GFRA1: variants seen among roughly 807,000 people sequenced by gnomAD.
GFRA1 encodes the protein GDNF family receptor alpha-1.
Under a neutral mutation model 51.6 loss-of-function variants are expected in GFRA1, and 16 were observed. That is an observed-to-expected ratio of 0.31 (90% CI 0.21 to 0.47). GFRA1 has a LOEUF of 0.47. GFRA1 is among the 20% of genes least tolerant of loss of function. The pLI, the probability that GFRA1 is intolerant of heterozygous loss-of-function variation, is 1.00. For synonymous variants in GFRA1, 270 were observed against 241.3 expected (o/e 1.12, Z -1.10); for missense variants, 530 against 594.3 (o/e 0.89, Z 1.13).
chr10:116,246,002 T>C (rs1314584832), intron 4 of GFRA1, among the ~76,000 whole-genome samples: 1 of 152,206 alleles, frequency 6.6e-6, no homozygotes, highest in East Asian at 1.9e-4. Flanking sequence ...TAATGGTGGA[T>C]ACATGGCACT....
chr10:116,263,248 A>G (rs186967671), intron 4 of GFRA1, among the ~76,000 whole-genome samples: 84 of 152,320 alleles, frequency 5.5e-4, no homozygotes, highest in African/African-American at 1.9e-3. Flanking sequence ...TGGTCTGCTG[A>G]AAAGAGTCCC....
At chr10:116,174,925 C>T (rs75430711) in intron 5 of GFRA1, among the ~76,000 whole-genome samples, 168 of 152,246 alleles carry the variant, frequency 1.1e-3, no homozygotes, top group Non-Finnish European at 2.2e-3. Flanking sequence ...TTTGCACCAC[C>T]GTTCCTTATA....
At chr10:116,266,469 G>A (rs560496767) in intron 4 of GFRA1, among the ~76,000 whole-genome samples, 95 of 152,278 alleles carry the variant, frequency 6.2e-4, no homozygotes, top group Admixed American at 6.1e-3. Context: ...ATGACTTAAA[G>A]CCTCTCAAGT....
intron 5 of GFRA1, among the ~76,000 whole-genome samples, chr10:116,186,808 C>T (rs79002205): frequency 0.056 from 8,514 of 152,198 alleles, 277 homozygotes; most frequent in South Asian, 0.12. Flanking sequence ...AGGACTAGGA[C>T]TTTCTCCCCA....
chr10:116,086,728 T>A (rs1366743100), intron 9 of GFRA1, among the ~76,000 whole-genome samples: 1 of 152,176 alleles, frequency 6.6e-6, no homozygotes, highest in East Asian at 1.9e-4. Context: ...TAGAGCCACT[T>A]TTTGTTCCTC....
chr10:116,267,097 G>A (rs1289014484), intron 4 of GFRA1, among the ~76,000 whole-genome samples: 1 of 151,932 alleles, frequency 6.6e-6, no homozygotes, highest in African/African-American at 2.4e-5. Context: ...CCTGTGATCA[G>A]GCCACTGCAC....
In GFRA1 at chr10:116,060,390, T is replaced by TAAAG; in HGVS notation, c.*4004_*4007dup. 6.6e-6 allele frequency: 1 copy of TAAAG among 152,354 alleles called. No homozygotes were observed. Among genetic ancestry groups the TAAAG allele is most frequent in the Middle Eastern group, 3.4e-3 (1 of 294 alleles). 9.4% of individuals were successfully genotyped at this position (152,354 alleles called of 1,614,324 possible). A position where few individuals can be genotyped will look rare whatever the true frequency, so the allele number is the denominator to read the frequency against. The stretch of plus-strand genomic sequence containing the variant: ...ATCAATAGCTCTGGCTTCCTGTCTC[T>TAAAG]AAAGAACTTCTGCCTGATTCAAGGA... On this transcript the variant is annotated 3_prime_UTR_variant, in exon 11 of 11. Coordinates refer to ENST00000355422, the MANE Select transcript of GFRA1 (RefSeq NM_005264.8).
chr10:116,154,221 A>G lies in GFRA1; in HGVS notation c.434-28664T>C, dbSNP rs570398269. ...ATAAGCATTCTCTTACGACCTGGCA[A>G]TTTTACTCAACAGGAATGTGTCTAT... On this transcript the variant is annotated intron_variant, in intron 5 of 10. Coordinates refer to ENST00000355422, the MANE Select transcript of GFRA1 (RefSeq NM_005264.8). 4.6e-5 allele frequency among the ~76,000 whole-genome samples: 7 copies of G among 152,274 alleles called. No individual in the cohort carries two copies. The East Asian group carries it at 1.4e-3, about 29-fold the overall frequency.
intron 5 of GFRA1, among the ~76,000 whole-genome samples, chr10:116,145,055 A>G (rs1958735757): frequency 6.8e-6 from 1 of 147,804 alleles, no homozygotes; most frequent in East Asian, 2.1e-4. Context: ...AGGCTGAGAC[A>G]GGAGAATCAC....
Position 116,196,404 on chromosome 10 carries a change from G to A in GFRA1, c.433+15227C>T, listed in dbSNP as rs190857247. 2.4e-3 allele frequency among the ~76,000 whole-genome samples: 358 copies of A among 149,616 alleles called. 4 individuals are homozygous for A. Among genetic ancestry groups the A allele is most frequent in the Non-Finnish European group, 3.0e-3 (201 of 67,688 alleles). The stretch of plus-strand genomic sequence containing the variant: ...CTAGGGAGGCTGAGGCAGGAGAATC[G>A]CTTGAACCTGAGAGGTGGAGGTTGC... On this transcript the variant is annotated intron_variant, in intron 5 of 10. Coordinates refer to ENST00000355422, the MANE Select transcript of GFRA1 (RefSeq NM_005264.8).
At chr10:116,161,292 A>G (rs1959759238) in intron 5 of GFRA1, among the ~76,000 whole-genome samples, 1 of 152,090 alleles carries the variant, frequency 6.6e-6, no homozygotes, top group African/African-American at 2.4e-5. Context: ...GCCCCAACAC[A>G]CAGTATTTGA....
intron 2 of GFRA1, among the ~76,000 whole-genome samples, chr10:116,271,700 C>T (rs1843953289): frequency 6.6e-6 from 1 of 152,220 alleles, no homozygotes; most frequent in Non-Finnish European, 1.5e-5. Flanking sequence ...CCCAGAGACT[C>T]TCTGGGGGTG....
intron 9 of GFRA1, among the ~76,000 whole-genome samples, chr10:116,086,152 T>C (rs1227736763): frequency 6.6e-6 from 1 of 152,246 alleles, no homozygotes; most frequent in East Asian, 1.9e-4. Context: ...CACACCTGAG[T>C]CATGGGGCTG....
intron 5 of GFRA1, among the ~76,000 whole-genome samples, chr10:116,186,842 C>T (rs1272054817): frequency 6.6e-6 from 1 of 152,150 alleles, no homozygotes; most frequent in African/African-American, 2.4e-5. Context: ...ATTTTCACTG[C>T]AATTCATACC....
In GFRA1 at chr10:116,058,832, T is replaced by G. The variant is rs529363359; in HGVS notation, c.*5566A>C. The G allele has an allele frequency of 6.6e-6, 1 of 152,294 alleles. No individual in the cohort carries two copies. Among genetic ancestry groups the G allele is most frequent in the Non-Finnish European group, 1.5e-5 (1 of 68,066 alleles). 9.4% of individuals were successfully genotyped at this position (152,294 alleles called of 1,614,324 possible). On this transcript the variant is annotated 3_prime_UTR_variant, in exon 11 of 11. Transcript: ENST00000355422. The stretch of plus-strand genomic sequence containing the variant: ...ATGGAGAAGTTGTCACCCCTGGGGT[T>G]TGTCTGGGATCGGGGGAGTGGTCTA...
rs1954989814 is a variant in GFRA1 at position 116,064,340 on chromosome 10, A to G, written c.*58T>C. On this transcript the variant is annotated 3_prime_UTR_variant, in exon 11 of 11. Coordinates refer to ENST00000355422, the MANE Select transcript of GFRA1 (RefSeq NM_005264.8). ...AATTTCAGCTATACAAGAGAACAGG[A>G]AACAGATAACTTGGTTTTTGTCTTT... 1.8e-5 allele frequency: 26 copies of G among 1,471,304 alleles called. No individual in the cohort carries two copies. The South Asian group carries it at 2.8e-4, about 16-fold the overall frequency. The allele number at this position is 1,471,304 out of a possible 1,614,324, so 91.1% of individuals were successfully genotyped here. A position where few individuals can be genotyped will look rare whatever the true frequency, so the allele number is the denominator to read the frequency against.
intron 5 of GFRA1, among the ~76,000 whole-genome samples, chr10:116,131,745 G>T (rs1485015338): frequency 6.6e-6 from 1 of 152,038 alleles, no homozygotes; most frequent in Non-Finnish European, 1.5e-5. Context: ...TGCTTCCAGG[G>T]AATGGGGGTG....
chr10:116,172,372 A>G (rs1961116033), intron 5 of GFRA1, among the ~76,000 whole-genome samples: 1 of 152,160 alleles, frequency 6.6e-6, no homozygotes, highest in African/African-American at 2.4e-5. Flanking sequence ...ATGGGAGAGC[A>G]ATGAAGGCCC....
chr10:116,124,241 T>C (rs1013812252), intron 6 of GFRA1, among the ~76,000 whole-genome samples: 6 of 150,828 alleles, frequency 4.0e-5, no homozygotes, highest in Non-Finnish European at 5.9e-5. Flanking sequence ...TCTTCTTTTT[T>C]TTTTTAAGAC....
Sources: gnomAD v4.1 joint callset for allele counts (sites outside exome capture counted in the v4.1 genomes callset) on GRCh38, gnomAD v4.1.1 for gene constraint, MANE v1.5 for transcripts, NCBI Gene and HGNC (gene_info 2026-07-23, HGNC 2026-07-21) for gene names.